CEP104: variants seen among roughly 807,000 people sequenced by gnomAD.
CEP104 encodes the protein centrosomal protein 104.
A neutral mutation model predicts 113.3 loss-of-function variants in CEP104; 84 were observed. The observed-to-expected ratio is 0.74, with a 90% CI of 0.62 to 0.89. The LOEUF is 0.89. Among genes scored for constraint, CEP104 ranks in the 40% least tolerant of loss-of-function variants. The pLI is 0.00. For missense variants in CEP104, 1,053 were observed against 1,156.6 expected, an observed-to-expected ratio of 0.91 and a Z score of 1.30; for synonymous variants, 378 against 421.7, an observed-to-expected ratio of 0.90 and a Z score of 1.27.
chr1:3,848,531 CAA>C (rs371141201), intron 3 of CEP104, 75 bp downstream of exon 3: 10,061 of 883,578 alleles, frequency 0.011, no homozygotes, highest in South Asian at 0.017. Context: ...GACTCCATCT[CAA>C]AAAAAAAAAA....
At chr1:3,822,214 TGAGAGA>T (rs61301856) in intron 20 of CEP104, among the ~76,000 whole-genome samples, 73 of 151,818 alleles carry the variant, frequency 4.8e-4, no homozygotes, top group African/African-American at 1.7e-3. Flanking sequence ...TTTCAAACTC[TGAGAGA>T]GAGAGAGACT....
chr1:3,836,489 T>TTTTTTTG lies in CEP104; in HGVS notation c.1317+5_1317+6insCAAAAAA. 1 of 1,554,382 alleles carries TTTTTTTG rather than the reference T, an allele frequency of 6.4e-7. No homozygotes were observed. Among genetic ancestry groups the TTTTTTTG allele is most frequent in the East Asian group, 2.3e-5 (1 of 44,248 alleles). On this transcript the variant is annotated splice_donor_region_variant and intron_variant, in intron 10 of 21. Transcript: ENST00000378230. ...CCCCGTTTTTTTTTTTTTTTTTTTT[T>TTTTTTTG]TTTACCAAGGTTTCTCCCAACACAT...
chr1:3,829,141 C>A, intron 15 of CEP104, 125 bp downstream of exon 15: 1 of 680,436 alleles, frequency 1.5e-6, no homozygotes, highest in Non-Finnish European at 2.3e-6. Context: ...ACCTAAAAAA[C>A]CAAAAGGAAT....
intron 3 of CEP104, among the ~76,000 whole-genome samples, 157 bp downstream of exon 3, chr1:3,848,451 G>A (rs749544662): frequency 3.3e-5 from 5 of 149,770 alleles, no homozygotes; most frequent in Non-Finnish European, 7.4e-5. Flanking sequence ...AGAATGGCGT[G>A]AACCCGGGAG....
At chr1:3,820,794 C>T (rs1643957479) in intron 20 of CEP104, among the ~76,000 whole-genome samples, 1 of 152,150 alleles carries the variant, frequency 6.6e-6, no homozygotes, top group Non-Finnish European at 1.5e-5. Flanking sequence ...GTGGCATCTC[C>T]TGCTGGCGGT....
Position 3,840,021 on chromosome 1 carries a change from C to A in CEP104, c.567-245G>T, listed in dbSNP as rs918811344. Among the ~76,000 whole-genome samples the A allele has an allele frequency of 1.3e-5, 2 of 152,208 alleles. 1 individual carries two copies. Among genetic ancestry groups the A allele is most frequent in the Admixed American group, 1.3e-4 (2 of 15,276 alleles). On this transcript the variant is annotated intron_variant, in intron 6 of 21. Transcript: ENST00000378230. Reference sequence around the variant, plus strand: ...CCATGGACCAAACTGCACTTCAGGGCATCTGAGCCTCCAGTGCATTCGCTC... The same window carrying A: ...CCATGGACCAAACTGCACTTCAGGGAATCTGAGCCTCCAGTGCATTCGCTC...
chr1:3,823,437 G>C lies in CEP104; in HGVS notation c.2490C>G (p.His830Gln), dbSNP rs915633616. The C allele has an allele frequency of 2.5e-6, 4 of 1,614,138 alleles. No individual in the cohort carries two copies. The highest frequency in any genetic ancestry group is 3.4e-6 in the Non-Finnish European group (4 of 1,180,056). The change falls in exon 19 of 22, where the codon CAC becomes CAG. Residue 830 changes from histidine (H) to glutamine (Q), a missense_variant. Physicochemically the swap from His to Gln is conservative, Grantham distance 24 (BLOSUM62 0). Coordinates refer to ENST00000378230, the MANE Select transcript of CEP104 (RefSeq NM_014704.4). This position sits in a 1 kb window ranked among gnomAD's most constrained non-coding sequence, Gnocchi z 4.1. ...AGGGGCACTCACGGTTGCAATCCTT[G>C]TGTTTTATGTGTCTGGGCAGCTCTT... ...FKEELPRHIK[H>Q]KDCNPAKPEK...
At chr1:3,840,620 C>A (rs1644395399) in intron 6 of CEP104, among the ~76,000 whole-genome samples, 1 of 152,076 alleles carries the variant, frequency 6.6e-6, no homozygotes, top group Non-Finnish European at 1.5e-5. Flanking sequence ...CTCACTGCAA[C>A]CTCTGCCTCC....
rs79797528 is a variant in CEP104 at position 3,823,862 on chromosome 1, T to C, written c.2365-300A>G. 0.022 allele frequency among the ~76,000 whole-genome samples: 3,283 copies of C among 152,210 alleles called. 74 individuals carry two copies. The highest frequency in any genetic ancestry group is 0.1 in the East Asian group (526 of 5,168). ...GTGAAGCTTGGATGAGGGCGCAGAG[T>C]GGCTCAGTGGTTACAGTGTGGCCCA... On this transcript the variant is annotated intron_variant, in intron 18 of 21. Transcript: ENST00000378230. The surrounding 1 kb of genome is among the most constrained non-coding windows in gnomAD (Gnocchi z 4.1).
intron 2 of CEP104, among the ~76,000 whole-genome samples, chr1:3,852,035 G>A (rs548856129): frequency 2.0e-5 from 3 of 152,280 alleles, no homozygotes; most frequent in South Asian, 4.1e-4. Context: ...CAGTTACGGG[G>A]CCTCATTTCT....
chr1:3,827,821 C>A (rs1286874065), intron 15 of CEP104, among the ~76,000 whole-genome samples: 1 of 152,244 alleles, frequency 6.6e-6, no homozygotes, highest in South Asian at 2.1e-4. Flanking sequence ...AGACCCACTG[C>A]CTGGGTCTTT....
Position 3,848,644 on chromosome 1 carries a change from A to C in CEP104, c.251T>G (p.Phe84Cys). 1 of 1,613,624 alleles carries C rather than the reference A, an allele frequency of 6.2e-7. No homozygotes were observed. Among genetic ancestry groups the C allele is most frequent in the Non-Finnish European group, 8.5e-7 (1 of 1,179,920 alleles). The stretch of plus-strand genomic sequence containing the variant: ...AAACCGCTCTGCTTGATAGGGTGCA[A>C]AATATTCAGGCAAGCTTTCACTAAT... ...FYISESLPEY[F>C]APYQAERFRR... Residue 84 changes from phenylalanine (F) to cysteine (C), a missense_variant, in exon 3 of 22, where the codon TTT becomes TGT. Transcript: ENST00000378230.
At chr1:3,816,087 A>G in intron 21 of CEP104, 193 bp downstream of exon 21, 1 of 535,328 alleles carries the variant, frequency 1.9e-6, no homozygotes, top group Non-Finnish European at 3.3e-6. Flanking sequence ...GCAGGTGGAG[A>G]AGGATTTTGG....
intron 1 of CEP104, among the ~76,000 whole-genome samples, chr1:3,854,132 C>A (rs2124703520): frequency 6.6e-6 from 1 of 152,264 alleles, no homozygotes; most frequent in East Asian, 1.9e-4. Context: ...TCTCTCTTCA[C>A]CCACTCCCCA....
intron 2 of CEP104, among the ~76,000 whole-genome samples, chr1:3,849,451 G>A (rs2124695176): frequency 6.6e-6 from 1 of 152,150 alleles, no homozygotes; most frequent in African/African-American, 2.4e-5. Context: ...GGCTGGTCTT[G>A]AACTCCTGGG....
At chr1:3,827,834 C>G (rs1644122525) in intron 15 of CEP104, among the ~76,000 whole-genome samples, 1 of 152,240 alleles carries the variant, frequency 6.6e-6, no homozygotes, top group Non-Finnish European at 1.5e-5. Flanking sequence ...GGGTCTTTCT[C>G]CCTCGTCTGC....
At chr1:3,843,029 C>T (rs1644440293) in intron 6 of CEP104, 6 of 462,986 alleles carry the variant, frequency 1.3e-5, no homozygotes, top group Middle Eastern at 3.6e-4. Flanking sequence ...CTCAAGTGAT[C>T]TGCCCAACTC....
At chr1:3,831,287 C>T in intron 12 of CEP104, 65 bp from the exon 13 acceptor site, 1 of 1,435,028 alleles carries the variant, frequency 7.0e-7, no homozygotes, top group Non-Finnish European at 9.7e-7. Context: ...TAGTACAATT[C>T]AGCATGATCT....
Position 3,823,592 on chromosome 1 carries a change from T to G in CEP104, c.2365-30A>C, listed in dbSNP as rs530753506. The G allele has an allele frequency of 6.3e-5, 102 of 1,613,950 alleles. No homozygotes were observed. In the South Asian group the frequency reaches 1.1e-3, roughly 17 times the overall value. On this transcript the variant is annotated intron_variant, in intron 18 of 21. Coordinates refer to ENST00000378230, the MANE Select transcript of CEP104 (RefSeq NM_014704.4). This position sits in a 1 kb window ranked among gnomAD's most constrained non-coding sequence, Gnocchi z 4.1. ...ATTTCGAAATACAGAGCAAAGCATG[T>G]TGCTGAGAAAGCGGCAGCGCCCTCC...
Sources: allele counts gnomAD v4.1 joint callset (sites outside exome capture counted in the v4.1 genomes callset), GRCh38; gene constraint gnomAD v4.1.1; non-coding constraint Gnocchi (gnomAD v3.1); transcripts MANE v1.5; gene names NCBI Gene and HGNC (gene_info 2026-07-23, HGNC 2026-07-21).